Variants in HECTD4 observed in about 807,000 individuals in gnomAD.
HECTD4 encodes the protein probable E3 ubiquitin-protein ligase HECTD4.
Under a neutral mutation model 471.5 loss-of-function variants are expected in HECTD4, and 114 were observed. The ratio of observed to expected loss-of-function variants is 0.24; its 90% CI spans 0.21 to 0.28. HECTD4 has a LOEUF of 0.28. HECTD4 is among the 10% of genes least tolerant of loss of function. The pLI, the probability that HECTD4 is intolerant of heterozygous loss-of-function variation, is 1.00. For missense variants in HECTD4, 3,866 were observed against 5,651.5 expected (o/e 0.68, Z 10.13); for synonymous variants, 2,012 against 2,256.0 (o/e 0.89, Z 3.07).
At chr12:112,378,678 TC>T (rs1317463690) in intron 1 of HECTD4, among the ~76,000 whole-genome samples, 2 of 152,156 alleles carry the variant, frequency 1.3e-5, no homozygotes, top group African/African-American at 2.4e-5. Context: ...CACCCAGATG[TC>T]CACTGGAAGG....
At chr12:112,212,122 T>C (rs1287707876) in intron 49 of HECTD4, among the ~76,000 whole-genome samples, 1 of 152,220 alleles carries the variant, frequency 6.6e-6, no homozygotes, top group Admixed American at 6.5e-5. Flanking sequence ...GAAGGTTCTC[T>C]CCAAGTTTCT....
At chr12:112,311,917 T>C (rs1435302445) in intron 4 of HECTD4, among the ~76,000 whole-genome samples, 1 of 152,220 alleles carries the variant, frequency 6.6e-6, no homozygotes, top group Non-Finnish European at 1.5e-5. Context: ...GTTGAATTAG[T>C]GAAGGAAATA....
chr12:112,163,376 G>A lies in HECTD4; in HGVS notation c.12898-112C>T. On this transcript the variant is annotated intron_variant, in intron 74 of 75. Transcript: ENST00000682272. This position sits in a 1 kb window ranked among gnomAD's most constrained non-coding sequence, Gnocchi z 8.2. ...AATCCTGGGGCAGGGTGCAACGTGTGGGCTGTGAGCACAGGGAGATGACAA... is the reference window on the plus strand; with the variant it reads ...AATCCTGGGGCAGGGTGCAACGTGTAGGCTGTGAGCACAGGGAGATGACAA... 1 of 1,124,726 alleles carries A rather than the reference G, an allele frequency of 8.9e-7. No individual in the cohort carries two copies. The allele number at this position is 1,124,726 out of a possible 1,614,324, so 69.7% of individuals were successfully genotyped here.
intron 48 of HECTD4, among the ~76,000 whole-genome samples, chr12:112,214,516 G>C (rs890432817): frequency 7.2e-5 from 11 of 152,218 alleles, no homozygotes; most frequent in Non-Finnish European, 1.5e-4. Flanking sequence ...TGTATTGGTA[G>C]AGGGGTTGAG....
chr12:112,239,209 AC>A lies in HECTD4; in HGVS notation c.5132del (p.Ser1711MetfsTer13). 1 of 1,613,096 alleles carries A rather than the reference AC, an allele frequency of 6.2e-7. No homozygotes were observed. The highest frequency in any genetic ancestry group is 8.5e-7 in the Non-Finnish European group (1 of 1,179,472). On this transcript the variant is annotated frameshift_variant, in exon 34 of 76. Coordinates refer to ENST00000682272, the MANE Select transcript of HECTD4 (RefSeq NM_001388303.1). LOFTEE classifies it high-confidence loss of function. This position sits in a 1 kb window ranked among gnomAD's most constrained non-coding sequence, Gnocchi z 4.9. ...TRSEEKCLVR[S>X]GLVQLMDRLC... is the part of the protein sequence containing the mutation. The stretch of plus-strand genomic sequence containing the variant: ...GTCGATCCATGAGCTGCACAAGGCC[AC>A]TGCGTACCAGGCACTTCTCTTCGCT...
intron 37 of HECTD4, among the ~76,000 whole-genome samples, chr12:112,233,832 GC>G (rs1418251915): frequency 7.0e-6 from 1 of 142,980 alleles, no homozygotes; most frequent in Non-Finnish European, 1.5e-5. Context: ...ACAGCGCCTG[GC>G]CTATTTTGTT....
Position 112,235,826 on chromosome 12 carries a change from TG to T in HECTD4, c.5445-43del. ...AAAAGGTACACAGTGCTAGAAATGT[TG>T]ATCTATAGACATTCAGAAGCAAGAG... On this transcript the variant is annotated intron_variant, in intron 35 of 75. Transcript: ENST00000682272. This position sits in a 1 kb window ranked among gnomAD's most constrained non-coding sequence, Gnocchi z 5.0. 1.3e-6 allele frequency: 2 copies of T among 1,523,428 alleles called. No homozygotes were observed. Among genetic ancestry groups the T allele is most frequent in the South Asian group, 2.5e-5 (2 of 79,948 alleles). The allele number at this position is 1,523,428 out of a possible 1,614,324, so 94.4% of individuals were successfully genotyped here.
chr12:112,252,633 T>C (rs2033918154), intron 22 of HECTD4, 105 bp from the exon 23 acceptor site: 2 of 1,258,174 alleles, frequency 1.6e-6, no homozygotes, highest in Non-Finnish European at 2.2e-6. Flanking sequence ...ACCACAGCAA[T>C]ATTTCACTCC....
Position 112,254,134 on chromosome 12 carries a change from T to C in HECTD4, c.3356A>G (p.Asn1119Ser). The change falls in exon 22 of 76, where the codon AAC (asparagine) becomes AGC (serine). Residue 1119 changes from asparagine to serine, a missense_variant. This residue lies in a region of HECTD4 where 281 missense variants were observed against 499.9 expected (regional missense o/e 0.56). Transcript: ENST00000682272. Reference protein sequence around the residue: ...KLVIYAGPNTNSRKVAEYGGN... With the variant: ...KLVIYAGPNTSSRKVAEYGGN... ...TCCATATTCAGCAACCTTCCTACTG[T>C]TTGTGTTAGGCCCCGCATATATCAC... 6.2e-7 allele frequency: 1 copy of C among 1,613,992 alleles called. No individual in the cohort carries two copies. Among genetic ancestry groups the C allele is most frequent in the South Asian group, 1.1e-5 (1 of 91,088 alleles).
At chr12:112,253,557 T>C (rs1026370339) in intron 22 of HECTD4, among the ~76,000 whole-genome samples, 1 of 152,230 alleles carries the variant, frequency 6.6e-6, no homozygotes, top group Non-Finnish European at 1.5e-5. Context: ...CTTATATTCA[T>C]ATTCCAGGCA....
chr12:112,365,375 G>A (rs2036537212), intron 1 of HECTD4, among the ~76,000 whole-genome samples: 1 of 152,092 alleles, frequency 6.6e-6, no homozygotes, highest in African/African-American at 2.4e-5. Context: ...TGGCCTAGGT[G>A]ACAGAGTGAG....
rs1422275740 is a variant in HECTD4, at chr12:112,188,468, A to G, written c.9472+2318T>C. Among the ~76,000 whole-genome samples, 1 of 152,204 alleles carries G rather than the reference A, an allele frequency of 6.6e-6. No homozygotes were observed. ...TACCAGAGGCATATCTTACATTCAC[A>G]TAGTCATGTACCCTGGATCTGAGTG... is the stretch of plus-strand genomic sequence containing the variant. On this transcript the variant is annotated intron_variant, in intron 60 of 75. Coordinates refer to ENST00000682272, the MANE Select transcript of HECTD4 (RefSeq NM_001388303.1). This position sits in a 1 kb window ranked among gnomAD's most constrained non-coding sequence, Gnocchi z 4.2.
At chr12:112,260,611 C>T (rs1264992999) in intron 18 of HECTD4, among the ~76,000 whole-genome samples, 1 of 151,358 alleles carries the variant, frequency 6.6e-6, no homozygotes, top group Non-Finnish European at 1.5e-5. Context: ...GAGTCTCGCT[C>T]TGTCACCCAG....
At chr12:112,231,224 G>A (rs1419422363) in intron 39 of HECTD4, 1 of 480,070 alleles carries the variant, frequency 2.1e-6, no homozygotes, top group Non-Finnish European at 3.8e-6. Flanking sequence ...AAGAAATAAA[G>A]GTAGCAAGAC....
intron 1 of HECTD4, among the ~76,000 whole-genome samples, chr12:112,371,188 T>C (rs1329049378): frequency 6.6e-6 from 1 of 152,214 alleles, no homozygotes; most frequent in Non-Finnish European, 1.5e-5. Flanking sequence ...GCTGATTTAT[T>C]TAGCAAGACC....
At chr12:112,252,697 G>T in intron 22 of HECTD4, 169 bp from the exon 23 acceptor site, 1 of 768,318 alleles carries the variant, frequency 1.3e-6, no homozygotes, top group Non-Finnish European at 2.0e-6. Context: ...TAGACAACCA[G>T]TCCTTTAAGT....
intron 4 of HECTD4, among the ~76,000 whole-genome samples, chr12:112,310,576 T>C (rs988637930): frequency 6.6e-6 from 1 of 152,176 alleles, no homozygotes; most frequent in Non-Finnish European, 1.5e-5. Context: ...AAGCATGCCA[T>C]ATTAGCTGGA....
intron 1 of HECTD4, among the ~76,000 whole-genome samples, chr12:112,360,940 C>T (rs185752668): frequency 4.1e-4 from 61 of 150,040 alleles, no homozygotes; most frequent in Middle Eastern, 6.8e-3. Context: ...GCTGAGATCG[C>T]GCCATTGCAC....
At chr12:112,309,297 A>G (rs1261162916) in intron 5 of HECTD4, among the ~76,000 whole-genome samples, 1 of 152,234 alleles carries the variant, frequency 6.6e-6, no homozygotes, top group Non-Finnish European at 1.5e-5. Flanking sequence ...AAAAATACTG[A>G]TCATGGAGGA....
Sources: allele counts gnomAD v4.1 joint callset (sites outside exome capture counted in the v4.1 genomes callset), GRCh38; gene constraint gnomAD v4.1.1; regional missense constraint gnomAD v4.1.1; non-coding constraint Gnocchi (gnomAD v3.1); transcripts MANE v1.5; gene names NCBI Gene and HGNC (gene_info 2026-07-23, HGNC 2026-07-21).